Variants in TWIST2 observed in about 807,000 individuals in gnomAD.
TWIST2 encodes the protein twist family bHLH transcription factor 2.
In TWIST2, 1 loss-of-function variant was observed where a neutral mutation model predicts 11.6. That is an observed-to-expected ratio of 0.09 (90% CI 0.03 to 0.41). The LOEUF (loss-of-function observed/expected upper bound fraction) is 0.41, where lower values mean the gene tolerates loss of function less well. Ranked by LOEUF, TWIST2 falls within the 10% of genes least tolerant of loss-of-function variation. TWIST2 has a pLI of 0.98. For synonymous variants in TWIST2, 87 were observed against 96.6 expected, an observed-to-expected ratio of 0.90 and a Z score of 0.58; for missense variants, 168 against 226.4, an observed-to-expected ratio of 0.74 and a Z score of 1.66.
intron 1 of TWIST2, among the ~76,000 whole-genome samples, chr2:238,888,446 T>C (rs1301021552): frequency 6.6e-6 from 1 of 152,172 alleles, no homozygotes; most frequent in Non-Finnish European, 1.5e-5. Flanking sequence ...AAAGACAACC[T>C]GGGAGGGAGG....
chr2:238,868,733 G>T (rs1380850421), intron 1 of TWIST2, among the ~76,000 whole-genome samples: 3 of 152,240 alleles, frequency 2.0e-5, no homozygotes, highest in Non-Finnish European at 1.5e-5. Context: ...ACACACTCGG[G>T]CATTGTTGGC....
At chr2:238,861,913 T>C (rs955076774) in intron 1 of TWIST2, among the ~76,000 whole-genome samples, 18 of 152,122 alleles carry the variant, frequency 1.2e-4, no homozygotes, top group African/African-American at 4.1e-4. Flanking sequence ...ACACATACAG[T>C]ATATATAGGG....
intron 1 of TWIST2, 146 bp downstream of exon 1, chr2:238,848,879 G>A (rs1001502607): frequency 1.7e-6 from 1 of 580,864 alleles, no homozygotes; most frequent in African/African-American, 2.0e-5. Flanking sequence ...TCTTAGCAAG[G>A]AAGGCGGGCG....
At position 238,849,295 on chromosome 2, in the gene TWIST2, C is replaced by A. The variant is rs1431817263; in HGVS notation, c.*35+562C>A. Among the ~76,000 whole-genome samples, 8 of 152,328 alleles carry A rather than the reference C, an allele frequency of 5.3e-5. No individual in the cohort carries two copies. In the East Asian group the frequency reaches 1.6e-3, roughly 30 times the overall value. On this transcript the variant is annotated intron_variant, in intron 1 of 1. Coordinates refer to ENST00000612363, the MANE Select transcript of TWIST2 (RefSeq NM_001271893.4). ...CCCCGGCCGTCGGCGCCCTGGCCTGCCCAGTGGGCGTAGAGGTGCGGGCCT... is the reference window on the plus strand; with the variant it reads ...CCCCGGCCGTCGGCGCCCTGGCCTGACCAGTGGGCGTAGAGGTGCGGGCCT...
intron 1 of TWIST2, among the ~76,000 whole-genome samples, chr2:238,895,900 C>T (rs1189596507): frequency 6.6e-6 from 1 of 152,194 alleles, no homozygotes; most frequent in Non-Finnish European, 1.5e-5. Flanking sequence ...GGGCTGACTC[C>T]TCCTTGCCAG....
chr2:238,860,209 G>A (rs776495049), intron 1 of TWIST2, among the ~76,000 whole-genome samples: 4 of 152,218 alleles, frequency 2.6e-5, no homozygotes, highest in African/African-American at 9.6e-5. Context: ...CCTGCTCTTC[G>A]TGTGTGCAGG....
intron 1 of TWIST2, among the ~76,000 whole-genome samples, chr2:238,893,873 C>T (rs1693177577): frequency 1.3e-5 from 2 of 152,176 alleles, no homozygotes; most frequent in African/African-American, 4.8e-5. Flanking sequence ...CCCTGGTGAC[C>T]TTTACGACGC....
At chr2:238,869,820 T>C (rs1692613799) in intron 1 of TWIST2, among the ~76,000 whole-genome samples, 1 of 152,100 alleles carries the variant, frequency 6.6e-6, no homozygotes, top group African/African-American at 2.4e-5. Flanking sequence ...TGGCGGCCTA[T>C]GCCTATAATC....
chr2:238,900,901 C>T (rs958094901), intron 1 of TWIST2, among the ~76,000 whole-genome samples: 2 of 152,074 alleles, frequency 1.3e-5, no homozygotes, highest in South Asian at 4.2e-4. Flanking sequence ...TCCTGATAAC[C>T]TGAAGATAAT....
intron 1 of TWIST2, among the ~76,000 whole-genome samples, chr2:238,853,427 GAGAA>G (rs1366408502): frequency 7.6e-6 from 1 of 132,138 alleles, no homozygotes; most frequent in African/African-American, 2.9e-5. Flanking sequence ...GATGGAGAGA[GAGAA>G]GGAGAGAGGG....
chr2:238,909,119 G>GA (rs1693409505), intron 1 of TWIST2, among the ~76,000 whole-genome samples: 1 of 126,744 alleles, frequency 7.9e-6, no homozygotes, highest in Non-Finnish European at 1.7e-5. Flanking sequence ...GTGTATGTGG[G>GA]GTGGGGTGTG....
At chr2:238,892,665 G>C (rs1693159632) in intron 1 of TWIST2, among the ~76,000 whole-genome samples, 1 of 151,884 alleles carries the variant, frequency 6.6e-6, no homozygotes, top group Non-Finnish European at 1.5e-5. Flanking sequence ...TATTTTAGTA[G>C]AGACGGGATT....
intron 1 of TWIST2, among the ~76,000 whole-genome samples, chr2:238,894,844 G>GT (rs1693189503): frequency 6.6e-6 from 1 of 152,132 alleles, no homozygotes; most frequent in Non-Finnish European, 1.5e-5. Flanking sequence ...TTCCCTGTAT[G>GT]TTTATTATGG....
intron 1 of TWIST2, among the ~76,000 whole-genome samples, chr2:238,904,628 A>AT (rs1461022680): frequency 1.3e-5 from 2 of 152,044 alleles, no homozygotes; most frequent in Non-Finnish European, 2.9e-5. Context: ...GCACTCTAAA[A>AT]AGTGATCCGT....
intron 1 of TWIST2, among the ~76,000 whole-genome samples, chr2:238,860,666 A>C (rs1268951778): frequency 6.6e-6 from 1 of 152,142 alleles, no homozygotes; most frequent in Non-Finnish European, 1.5e-5. Flanking sequence ...GGCCAGGCGC[A>C]GTGGCTCACG....
At chr2:238,902,964 ATGTG>A (rs1218202683) in intron 1 of TWIST2, among the ~76,000 whole-genome samples, 35 of 10,444 alleles carry the variant, frequency 3.4e-3, no homozygotes, top group Non-Finnish European at 4.5e-3. Flanking sequence ...GGTGTGTGTG[ATGTG>A]TGTGTGATGT....
At chr2:238,875,939 C>T (rs536559414) in intron 1 of TWIST2, among the ~76,000 whole-genome samples, 1 of 152,358 alleles carries the variant, frequency 6.6e-6, no homozygotes, top group East Asian at 1.9e-4. Flanking sequence ...GCTTGTGGGG[C>T]TCTGCTATCC....
intron 1 of TWIST2, among the ~76,000 whole-genome samples, chr2:238,849,164 C>G (rs937581976): frequency 2.0e-5 from 3 of 152,148 alleles, no homozygotes; most frequent in African/African-American, 7.2e-5. Context: ...CGAAGCTGCC[C>G]GAGCCGGGTG....
intron 1 of TWIST2, among the ~76,000 whole-genome samples, chr2:238,886,491 A>G (rs1441492414): frequency 6.6e-6 from 1 of 152,090 alleles, no homozygotes; most frequent in Non-Finnish European, 1.5e-5. Context: ...TGCCTTAAAG[A>G]TGAGCCCATG....
Sources: gnomAD v4.1 joint callset for allele counts (sites outside exome capture counted in the v4.1 genomes callset) on GRCh38, gnomAD v4.1.1 for gene constraint, MANE v1.5 for transcripts, NCBI Gene and HGNC (gene_info 2026-07-23, HGNC 2026-07-21) for gene names.